LRRC7: variants seen among roughly 807,000 people sequenced by gnomAD.
The protein encoded by LRRC7 is leucine-rich repeat-containing protein 7.
In LRRC7, 23 loss-of-function variants were observed where a neutral mutation model predicts 175.7. The observed-to-expected ratio is 0.13, with a 90% CI of 0.09 to 0.19. The LOEUF is 0.19. LRRC7 is among the 10% of genes least tolerant of loss of function. LRRC7 has a pLI of 1.00. For missense variants in LRRC7, 1,354 were observed against 1,904.7 expected, an observed-to-expected ratio of 0.71 and a Z score of 5.38; for synonymous variants, 685 against 680.9, an observed-to-expected ratio of 1.01 and a Z score of -0.09.
chr1:69,986,404 T>G lies in LRRC7; in HGVS notation c.931+18T>G, dbSNP rs764996818. The G allele has an allele frequency of 1.3e-6, 2 of 1,598,278 alleles. No homozygotes were observed. The highest frequency in any genetic ancestry group is 1.7e-6 in the Non-Finnish European group (2 of 1,172,232). Reference sequence around the variant, plus strand: ...TTCTATAGGTGAGAATATAATATTTTGTCACAAATATTTATGTCAAATATA... The same window carrying G: ...TTCTATAGGTGAGAATATAATATTTGGTCACAAATATTTATGTCAAATATA... On this transcript the variant is annotated intron_variant, in intron 10 of 26. Transcript: ENST00000651989.
At chr1:69,822,719 A>C (rs986562125) in intron 4 of LRRC7, among the ~76,000 whole-genome samples, 7 of 152,190 alleles carry the variant, frequency 4.6e-5, no homozygotes, top group Non-Finnish European at 1.0e-4. Flanking sequence ...TGCTAGCTTG[A>C]GGGTGGGGTG....
chr1:69,733,365 A>G (rs1309136601), intron 2 of LRRC7, among the ~76,000 whole-genome samples: 2 of 152,012 alleles, frequency 1.3e-5, no homozygotes, highest in Admixed American at 6.6e-5. Flanking sequence ...GAAATGGCAC[A>G]TTATTCACCC....
At chr1:69,627,878 C>T (rs72936562) in intron 1 of LRRC7, among the ~76,000 whole-genome samples, 1 of 150,098 alleles carries the variant, frequency 6.7e-6, no homozygotes, top group Non-Finnish European at 1.5e-5. Context: ...AAAGATCTAA[C>T]TCCTTTTGCT....
At chr1:69,881,006 C>G (rs1686545998) in intron 7 of LRRC7, among the ~76,000 whole-genome samples, 1 of 152,208 alleles carries the variant, frequency 6.6e-6, no homozygotes, top group African/African-American at 2.4e-5. Context: ...GTCCAAATGT[C>G]AATGCCTCTT....
chr1:69,904,387 C>T (rs973795425), intron 7 of LRRC7, among the ~76,000 whole-genome samples: 3 of 152,030 alleles, frequency 2.0e-5, no homozygotes, highest in African/African-American at 4.8e-5. Context: ...TGTAGAATCA[C>T]AGACATGGTT....
At position 70,141,554 on chromosome 1, in the gene LRRC7, A is replaced by AAATC. The variant is rs1176751314; in HGVS notation, c.*19671_*19674dup. 1.3e-5 allele frequency: 2 copies of AAATC among 152,134 alleles called. No homozygotes were observed. The highest frequency in any genetic ancestry group is 4.8e-5 in the African/African-American group (2 of 41,438). The allele number at this position is 152,134 out of a possible 1,614,324, so 9.4% of individuals were successfully genotyped here. The stretch of plus-strand genomic sequence containing the variant: ...CTTATTTGAATGTGCTTTAAAAAAA[A>AAATC]AATCAATGAATTCAGGGGAATGAAA... On this transcript the variant is annotated 3_prime_UTR_variant, in exon 27 of 27. Coordinates refer to ENST00000651989, the MANE Select transcript of LRRC7 (RefSeq NM_001370785.2).
chr1:69,926,605 G>A (rs1172074718), intron 7 of LRRC7, among the ~76,000 whole-genome samples: 1 of 150,400 alleles, frequency 6.6e-6, no homozygotes, highest in Non-Finnish European at 1.5e-5. Context: ...TTTAAAGTCT[G>A]TTTTATCAGA....
At chr1:70,024,488 CT>C (rs1278453173) in intron 17 of LRRC7, among the ~76,000 whole-genome samples, 1 of 151,654 alleles carries the variant, frequency 6.6e-6, no homozygotes, top group Non-Finnish European at 1.5e-5. Context: ...CGAAACATTT[CT>C]TTTTTTCAAA....
intron 10 of LRRC7, among the ~76,000 whole-genome samples, chr1:69,992,189 A>G (rs981522699): frequency 1.3e-4 from 20 of 152,144 alleles, no homozygotes; most frequent in Admixed American, 1.1e-3. Context: ...AATATTTATT[A>G]TAATCTTAGA....
At chr1:69,603,816 C>A (rs1282920488) in intron 1 of LRRC7, among the ~76,000 whole-genome samples, 3 of 152,078 alleles carry the variant, frequency 2.0e-5, no homozygotes, top group Admixed American at 2.0e-4. Context: ...ATTTGAAACA[C>A]CAGAATGTAG....
At chr1:69,766,076 C>T (rs1034974076) in intron 3 of LRRC7, among the ~76,000 whole-genome samples, 37 of 151,502 alleles carry the variant, frequency 2.4e-4, no homozygotes, top group Middle Eastern at 3.4e-3. Flanking sequence ...AAGACAATTG[C>T]AGAGAAAAAA....
chr1:69,836,970 AT>A (rs1333371896), intron 6 of LRRC7, among the ~76,000 whole-genome samples: 1 of 151,880 alleles, frequency 6.6e-6, no homozygotes, highest in Non-Finnish European at 1.5e-5. Context: ...ATGGTAAAAT[AT>A]TTCCCCAAAC....
Position 70,024,080 on chromosome 1 carries a change from G to T in LRRC7, c.1794+706G>T, listed in dbSNP as rs185052660. On this transcript the variant is annotated intron_variant, in intron 17 of 26. Coordinates refer to ENST00000651989, the MANE Select transcript of LRRC7 (RefSeq NM_001370785.2). ...GTAATGGACTAGATACTTATCCATT[G>T]TCTTATATTTTTGCTACAATATAAG... 3.0e-3 allele frequency among the ~76,000 whole-genome samples: 454 copies of T among 152,082 alleles called. 6 individuals are homozygous for T. The highest frequency in any genetic ancestry group is 0.01 in the African/African-American group (428 of 41,518).
chr1:70,062,785 T>G (rs553355794), intron 23 of LRRC7, among the ~76,000 whole-genome samples: 15 of 152,246 alleles, frequency 9.9e-5, no homozygotes, highest in African/African-American at 3.4e-4. Context: ...GCTAGGATAA[T>G]ATATTTCTAA....
At chr1:69,638,780 T>G (rs1653770221) in intron 1 of LRRC7, among the ~76,000 whole-genome samples, 1 of 151,622 alleles carries the variant, frequency 6.6e-6, no homozygotes, top group Non-Finnish European at 1.5e-5. Context: ...ACTTCAAGAT[T>G]ATTATTATAT....
At chr1:69,775,306 G>T (rs185070361) in intron 3 of LRRC7, among the ~76,000 whole-genome samples, 197 of 152,200 alleles carry the variant, frequency 1.3e-3, no homozygotes, top group Non-Finnish European at 2.2e-3. Flanking sequence ...GTTGTTACTT[G>T]GTTATTGAAT....
chr1:70,008,260 A>C (rs1458643029), intron 11 of LRRC7, among the ~76,000 whole-genome samples: 2 of 152,178 alleles, frequency 1.3e-5, no homozygotes, highest in East Asian at 3.9e-4. Flanking sequence ...AGCTGATTAG[A>C]TTGTTCCCAC....
intron 3 of LRRC7, among the ~76,000 whole-genome samples, chr1:69,776,675 T>A (rs1184464595): frequency 6.6e-6 from 1 of 152,030 alleles, no homozygotes; most frequent in African/African-American, 2.4e-5. Context: ...TAATGCAACC[T>A]CACTAACTTG....
chr1:69,949,916 A>AT (rs1387395565), intron 8 of LRRC7, among the ~76,000 whole-genome samples: 2 of 152,044 alleles, frequency 1.3e-5, no homozygotes, highest in African/African-American at 2.4e-5. Context: ...ATTGACACTG[A>AT]TTTTTTTAAT....
Sources: allele counts gnomAD v4.1 joint callset (sites outside exome capture counted in the v4.1 genomes callset), GRCh38; gene constraint gnomAD v4.1.1; transcripts MANE v1.5; gene names NCBI Gene and HGNC (gene_info 2026-07-23, HGNC 2026-07-21).